The following FOCAD variants were observed in gnomAD, a reference collection of about 807,000 sequenced individuals.
The protein encoded by FOCAD is focadhesin.
In FOCAD, 198 loss-of-function variants were observed where a neutral mutation model predicts 225.6. That is an observed-to-expected ratio of 0.88 (90% confidence interval 0.78 to 0.99). The LOEUF is 0.99. FOCAD is among the 50% of genes least tolerant of loss of function. FOCAD has a pLI of 0.00. For missense variants in FOCAD, 2,713 were observed against 2,123.6 expected (o/e 1.28, Z -5.46); for synonymous variants, 897 against 755.0 (o/e 1.19, Z -3.08).
chr9:20,850,136 G>T (rs1264554229), intron 15 of FOCAD, among the ~76,000 whole-genome samples: 1 of 151,352 alleles, frequency 6.6e-6, no homozygotes, highest in African/African-American at 2.4e-5. Flanking sequence ...TTAGTCTTAT[G>T]GTCATAAGAA....
chr9:20,967,608 A>G (rs1839382605), intron 35 of FOCAD, among the ~76,000 whole-genome samples: 1 of 152,100 alleles, frequency 6.6e-6, no homozygotes, highest in Non-Finnish European at 1.5e-5. Context: ...GTTTTTCACC[A>G]TTGAGTATGA....
At chr9:20,706,488 C>T (rs1023580621) in intron 1 of FOCAD, among the ~76,000 whole-genome samples, 3 of 152,130 alleles carry the variant, frequency 2.0e-5, no homozygotes, top group Non-Finnish European at 4.4e-5. Flanking sequence ...AATTATTGAT[C>T]TTAAAATTCC....
At chr9:20,771,879 C>G (rs910454428) in intron 8 of FOCAD, among the ~76,000 whole-genome samples, 2 of 152,196 alleles carry the variant, frequency 1.3e-5, no homozygotes, top group African/African-American at 4.8e-5. Flanking sequence ...TGGCTTTCCT[C>G]GCATGATAGG....
intron 18 of FOCAD, among the ~76,000 whole-genome samples, chr9:20,869,212 C>T (rs1007984860): frequency 6.6e-6 from 1 of 152,084 alleles, no homozygotes; most frequent in Non-Finnish European, 1.5e-5. Flanking sequence ...GCACTAAGGG[C>T]AATTGGTTTA....
intron 11 of FOCAD, among the ~76,000 whole-genome samples, chr9:20,813,888 C>T (rs1239084000): frequency 6.6e-6 from 1 of 152,114 alleles, no homozygotes; most frequent in Non-Finnish European, 1.5e-5. Flanking sequence ...TCAATGTTTG[C>T]TTTATATATC....
At position 20,881,895 on chromosome 9, in the gene FOCAD, T is replaced by G. The variant is rs756785398; in HGVS notation, c.2342T>G (p.Leu781Arg). 3 of 1,613,440 alleles carry G rather than the reference T, an allele frequency of 1.9e-6. No individual in the cohort carries two copies. Among genetic ancestry groups the G allele is most frequent in the Middle Eastern group, 1.7e-4 (1 of 6,056 alleles). The change falls in exon 20 of 44, where the codon CTT becomes CGT. Residue 781 changes from leucine to arginine, a missense_variant. Coordinates refer to ENST00000338382, the MANE Select transcript of FOCAD (RefSeq NM_001375567.1). ...LPALEEFFTS[L>R]VKQEMVNMPR... ...GCTTTGGAGGAATTTTTTACATCAC[T>G]TGTGAAGCAAGAAATGGTGAATATG...
chr9:20,710,805 C>T (rs1824786440), intron 1 of FOCAD, among the ~76,000 whole-genome samples: 1 of 151,612 alleles, frequency 6.6e-6, no homozygotes, highest in Non-Finnish European at 1.5e-5. Context: ...GTTTATTTAC[C>T]CTAGCTGCCT....
At chr9:20,852,197 A>G (rs981500427) in intron 15 of FOCAD, among the ~76,000 whole-genome samples, 3 of 151,816 alleles carry the variant, frequency 2.0e-5, no homozygotes, top group Non-Finnish European at 4.4e-5. Flanking sequence ...GCTTTCTAGC[A>G]CTGAAGAGCA....
chr9:20,825,899 G>C (rs981763171), intron 15 of FOCAD, among the ~76,000 whole-genome samples: 2 of 152,048 alleles, frequency 1.3e-5, no homozygotes. Flanking sequence ...CTACTTTGCT[G>C]AACAAACAAC....
At chr9:20,782,890 A>G (rs1335282455) in intron 10 of FOCAD, among the ~76,000 whole-genome samples, 2 of 152,232 alleles carry the variant, frequency 1.3e-5, no homozygotes, top group African/African-American at 2.4e-5. Flanking sequence ...AATGTATACT[A>G]CAGCTTCCTA....
At chr9:20,776,653 T>C (rs978684377) in intron 8 of FOCAD, among the ~76,000 whole-genome samples, 14 of 152,236 alleles carry the variant, frequency 9.2e-5, no homozygotes. Flanking sequence ...CTTCATACTT[T>C]TAAGTTCCAT....
Position 20,981,548 on chromosome 9 carries a change from T to C in FOCAD, c.4500T>C (p.Leu1500=). ...CAGTTTTTAAAGCAGCTTCCCCACT[T>C]GGAAGTCCTGAGCTATGCCCAAGTG... ...MVAVFKAASP[L]GSPELCPSAL... is the part of the protein sequence containing the mutation. The change falls in exon 38 of 44, where the codon CTT becomes CTC. Residue 1500 remains leucine (L), a synonymous_variant. Transcript: ENST00000338382. The C allele has an allele frequency of 1.2e-6, 2 of 1,614,072 alleles. No individual in the cohort carries two copies. Among genetic ancestry groups the C allele is most frequent in the Non-Finnish European group, 1.7e-6 (2 of 1,179,984 alleles).
At chr9:20,777,951 G>A (rs1350947509) in intron 8 of FOCAD, among the ~76,000 whole-genome samples, 5 of 151,478 alleles carry the variant, frequency 3.3e-5, no homozygotes, top group East Asian at 1.9e-4. Context: ...TTAGCCGGGC[G>A]CAGTGGCGGG....
chr9:20,760,157 G>A (rs1829447178), intron 6 of FOCAD, among the ~76,000 whole-genome samples: 2 of 152,188 alleles, frequency 1.3e-5, no homozygotes, highest in Admixed American at 6.6e-5. Context: ...TATCAAGAGA[G>A]CAGATCTTAC....
chr9:20,949,584 ATTTC>A lies in FOCAD; in HGVS notation c.3877-17_3877-14del. ...TTTTATGGGGGTGGGTGGGATGGGT[ATTTC>A]TTCTTATTCTTTCAGCTGAAATCAG... On this transcript the variant is annotated splice_polypyrimidine_tract_variant and intron_variant, in intron 32 of 43. Transcript: ENST00000338382. The A allele has an allele frequency of 1.9e-6, 3 of 1,609,486 alleles. No homozygotes were observed. The highest frequency in any genetic ancestry group is 2.6e-6 in the Non-Finnish European group (3 of 1,176,426).
intron 34 of FOCAD, among the ~76,000 whole-genome samples, chr9:20,951,815 A>G (rs1222021494): frequency 1.3e-5 from 2 of 152,148 alleles, no homozygotes; most frequent in African/African-American, 4.8e-5. Context: ...CTTGCTCTTT[A>G]TAGAATTTTG....
chr9:20,826,807 A>G (rs527572698), intron 15 of FOCAD, among the ~76,000 whole-genome samples: 27 of 152,202 alleles, frequency 1.8e-4, no homozygotes, highest in South Asian at 8.3e-4. Context: ...TTCCTTTGAA[A>G]AATGTGGGCA....
chr9:20,668,207 G>A (rs1250435316), intron 2 of FOCAD, among the ~76,000 whole-genome samples: 1 of 152,106 alleles, frequency 6.6e-6, no homozygotes, highest in Non-Finnish European at 1.5e-5. Flanking sequence ...CTATTTGAGA[G>A]TTCATTGCTG....
upstream of FOCAD, among the ~76,000 whole-genome samples, chr9:20,681,161 CGTAAAAAAATTTT>C (rs1416389899): frequency 6.6e-6 from 1 of 152,104 alleles, no homozygotes; most frequent in Non-Finnish European, 1.5e-5. Context: ...ATCAGTGAAG[CGTAAAAAAATTTT>C]GAGTTCCAAC....
Sources: gnomAD v4.1 joint callset for allele counts (sites outside exome capture counted in the v4.1 genomes callset) on GRCh38, gnomAD v4.1.1 for gene constraint, MANE v1.5 for transcripts, NCBI Gene and HGNC (gene_info 2026-07-23, HGNC 2026-07-21) for gene names.